The following RGPD6 variants were observed in gnomAD, a reference collection of about 807,000 sequenced individuals.
RGPD6 encodes RANBP2-like and GRIP domain-containing protein 5/6.
chr2:110,606,954 G>A, the RGPD6 span, among the ~76,000 whole-genome samples: 1 of 151,590 alleles, frequency 6.6e-6, no homozygotes, highest in African/African-American at 2.4e-5. Context: ...ACACTAATAT[G>A]TACAACCTAC....
At chr2:110,610,795 CGCT>C in the RGPD6 span, 2 of 1,108,900 alleles carry the variant, frequency 1.8e-6, no homozygotes, top group Non-Finnish European at 2.2e-6. Context: ...TCGCCGCCGC[CGCT>C]GCCGCCGCTG....
the RGPD6 span, among the ~76,000 whole-genome samples, chr2:110,606,798 T>C: frequency 5.2e-3 from 794 of 151,644 alleles, 10 homozygotes; most frequent in Non-Finnish European, 7.5e-3. Flanking sequence ...ACCTATTTCA[T>C]GGAAGCCTTT....
At chr2:110,600,828 C>T in the RGPD6 span, among the ~76,000 whole-genome samples, 2 of 102,488 alleles carry the variant, frequency 2.0e-5, no homozygotes, top group Admixed American at 2.1e-4. Context: ...GCTGTAAATA[C>T]AGATGAAGCT....
At chr2:110,593,013 CGT>C in the RGPD6 span, among the ~76,000 whole-genome samples, 1 of 147,682 alleles carries the variant, frequency 6.8e-6, no homozygotes, top group Non-Finnish European at 1.5e-5. Context: ...GGCTACTAAA[CGT>C]TCTTAACAAG....
the RGPD6 span, among the ~76,000 whole-genome samples, chr2:110,601,589 C>T: frequency 2.0e-5 from 3 of 148,110 alleles, no homozygotes; most frequent in African/African-American, 7.8e-5. Flanking sequence ...TACCTTCACG[C>T]TTGAGGGCAA....
At chr2:110,605,691 G>A in the RGPD6 span, among the ~76,000 whole-genome samples, 3 of 151,354 alleles carry the variant, frequency 2.0e-5, no homozygotes, top group Non-Finnish European at 2.9e-5. Context: ...ACAAGCAAAA[G>A]CATCAGCGGG....
the RGPD6 span, among the ~76,000 whole-genome samples, chr2:110,599,958 T>A: frequency 2.7e-5 from 4 of 148,330 alleles, no homozygotes; most frequent in East Asian, 6.0e-4. Context: ...GGAACTACCT[T>A]CAATGAAAGG....
chr2:110,608,499 A>C, the RGPD6 span, among the ~76,000 whole-genome samples: 3 of 143,986 alleles, frequency 2.1e-5, no homozygotes, highest in African/African-American at 7.9e-5. Flanking sequence ...AAACTTAAAA[A>C]TTTACGTAAA....
At chr2:110,602,508 A>AC in the RGPD6 span, among the ~76,000 whole-genome samples, 1 of 55,114 alleles carries the variant, frequency 1.8e-5, no homozygotes, top group Non-Finnish European at 3.8e-5. Flanking sequence ...AAGTGTCTGT[A>AC]AGACTATCCA....
the RGPD6 span, among the ~76,000 whole-genome samples, chr2:110,604,591 C>A: frequency 1.3e-5 from 2 of 150,988 alleles, no homozygotes; most frequent in South Asian, 2.1e-4. Context: ...AATAAAACAA[C>A]AAAAAAATTA....
chr2:110,594,242 C>G, the RGPD6 span, among the ~76,000 whole-genome samples: 2 of 144,626 alleles, frequency 1.4e-5, no homozygotes, highest in Admixed American at 1.4e-4. Flanking sequence ...CTTAAAAACA[C>G]TCAACAAACT....
chr2:110,605,360 G>T, the RGPD6 span, among the ~76,000 whole-genome samples: 3 of 150,914 alleles, frequency 2.0e-5, no homozygotes, highest in African/African-American at 2.5e-5. Flanking sequence ...TCAACTACAC[G>T]GTGACCTTCG....
At chr2:110,592,759 G>A in the RGPD6 span, among the ~76,000 whole-genome samples, 3 of 138,060 alleles carry the variant, frequency 2.2e-5, no homozygotes, top group African/African-American at 6.1e-5. Context: ...CCAGCCTGGC[G>A]ACAGAGTGAG....
the RGPD6 span, chr2:110,611,033 CGCGCCGCCGCCGCCACCGCCCCCGGCCCT>C: frequency 8.3e-6 from 8 of 960,830 alleles, no homozygotes; most frequent in African/African-American, 2.0e-5. Flanking sequence ...GCGAGCTCGC[CGCGCCGCCGCCGCCACCGCCCCCGGCCCT>C]GCGCCGCCGC....
the RGPD6 span, among the ~76,000 whole-genome samples, chr2:110,600,968 T>C: frequency 6.6e-6 from 1 of 151,718 alleles, no homozygotes; most frequent in African/African-American, 2.4e-5. Context: ...CCTGGCAGGA[T>C]GTTTCAGAAA....
chr2:110,601,769 C>CA, the RGPD6 span, among the ~76,000 whole-genome samples: 2 of 127,828 alleles, frequency 1.6e-5, no homozygotes, highest in African/African-American at 3.2e-5. Context: ...ACTATGGCCC[C>CA]AAATAATGCT....
the RGPD6 span, among the ~76,000 whole-genome samples, chr2:110,591,593 G>A: frequency 1.3e-5 from 2 of 149,782 alleles, no homozygotes; most frequent in Non-Finnish European, 2.9e-5. Context: ...TCATCACCTC[G>A]GCCACACCAG....
chr2:110,594,117 A>G, the RGPD6 span, among the ~76,000 whole-genome samples: 1 of 138,648 alleles, frequency 7.2e-6, no homozygotes, highest in Non-Finnish European at 1.6e-5. Context: ...GTATTAAAGT[A>G]TATAAAAGTA....
the RGPD6 span, among the ~76,000 whole-genome samples, chr2:110,606,338 T>C: frequency 7.9e-6 from 1 of 127,116 alleles, no homozygotes; most frequent in Non-Finnish European, 1.6e-5. Flanking sequence ...AACAGGTTGA[T>C]GAGTATGAAA....
Sources: gnomAD v4.1 joint callset for allele counts (sites outside exome capture counted in the v4.1 genomes callset) on GRCh38, gnomAD v4.1.1 for gene constraint, MANE v1.5 for transcripts, NCBI Gene and HGNC (gene_info 2026-07-23, HGNC 2026-07-21) for gene names.